Variants in TCF4 observed in about 807,000 individuals in gnomAD.
The protein encoded by TCF4 is transcription factor 4, also known as SL3-3 enhancer factor 2.
TCF4 carries 3 observed loss-of-function variants against 82.1 expected under a neutral mutation model. That is an observed-to-expected ratio of 0.04 (90% CI 0.02 to 0.09). TCF4 has a LOEUF of 0.09. TCF4 is among the 10% of genes least tolerant of loss of function. The pLI, the probability that TCF4 is intolerant of heterozygous loss-of-function variation, is 1.00. For missense variants in TCF4, 518 were observed against 852.7 expected (o/e 0.61, Z 4.89); for synonymous variants, 276 against 309.6 (o/e 0.89, Z 1.14).
At chr18:55,632,334 G>A (rs374222335) in intron 1 of TCF4, among the ~76,000 whole-genome samples, 4 of 152,120 alleles carry the variant, frequency 2.6e-5, no homozygotes, top group African/African-American at 4.8e-5. Context: ...CACCGCGCCC[G>A]GCCAACAGTT....
At chr18:55,319,674 C>T (rs2075014458) in intron 8 of TCF4, among the ~76,000 whole-genome samples, 2 of 151,026 alleles carry the variant, frequency 1.3e-5, no homozygotes, top group East Asian at 1.9e-4. Context: ...TGAGTACCAT[C>T]CTCTCAAAAA....
chr18:55,405,775 G>C (rs1420459577), intron 5 of TCF4, among the ~76,000 whole-genome samples: 1 of 152,142 alleles, frequency 6.6e-6, no homozygotes, highest in Non-Finnish European at 1.5e-5. Context: ...GCAGGAGGGA[G>C]AGGAGGAGGA....
intron 6 of TCF4, among the ~76,000 whole-genome samples, chr18:55,392,092 T>C (rs1253120851): frequency 1.4e-5 from 2 of 144,272 alleles, no homozygotes; most frequent in Non-Finnish European, 3.0e-5. Flanking sequence ...GCCTCCTGAG[T>C]AGCTGGGATT....
intron 6 of TCF4, among the ~76,000 whole-genome samples, chr18:55,357,540 A>T (rs117455054): frequency 0.01 from 1,557 of 152,340 alleles, 14 homozygotes; most frequent in Non-Finnish European, 0.018. Flanking sequence ...CTAGGGAATT[A>T]GCAACACTTT....
intron 8 of TCF4, among the ~76,000 whole-genome samples, chr18:55,312,351 A>G (rs967693561): frequency 5.3e-5 from 8 of 152,198 alleles, no homozygotes; most frequent in African/African-American, 1.9e-4. Flanking sequence ...AAAATGTATT[A>G]AAGATTCCAA....
chr18:55,294,998 A>G (rs1179470833), intron 8 of TCF4, among the ~76,000 whole-genome samples: 3 of 152,184 alleles, frequency 2.0e-5, no homozygotes, highest in Non-Finnish European at 4.4e-5. Context: ...AGTTAAGACT[A>G]TGCATCATCT....
At chr18:55,311,561 A>G (rs868454502) in intron 8 of TCF4, among the ~76,000 whole-genome samples, 1 of 152,208 alleles carries the variant, frequency 6.6e-6, no homozygotes, top group Middle Eastern at 3.2e-3. Context: ...ATCTTCATAT[A>G]AACAATGTCC....
At chr18:55,587,971 G>A in intron 1 of TCF4, 67 bp downstream of exon 1, 2 of 956,056 alleles carry the variant, frequency 2.1e-6, no homozygotes, top group South Asian at 4.8e-5. Context: ...GTGCGGGGCC[G>A]CCGAGCCCGA....
intron 2 of TCF4, among the ~76,000 whole-genome samples, chr18:55,625,786 A>T (rs1432330716): frequency 6.6e-6 from 1 of 152,152 alleles, no homozygotes; most frequent in Admixed American, 6.5e-5. Context: ...TATGATTTTT[A>T]AAAAATAGAA....
rs78958776 is a variant in TCF4 at position 55,375,401 on chromosome 18, A to C, written c.370-24398T>G. 3.3e-3 allele frequency among the ~76,000 whole-genome samples: 501 copies of C among 152,230 alleles called. 4 individuals carry two copies. The highest frequency in any genetic ancestry group is 0.011 in the African/African-American group (466 of 41,564). On this transcript the variant is annotated intron_variant, in intron 6 of 19. Coordinates refer to ENST00000354452, the MANE Select transcript of TCF4 (RefSeq NM_001083962.2). ...TTTAAGAAGTGGTGGATCATAAGAA[A>C]GTTTTCTTAATCTACTAGATGCCTA...
chr18:55,386,080 C>A (rs1469181496), intron 6 of TCF4, among the ~76,000 whole-genome samples: 1 of 152,154 alleles, frequency 6.6e-6, no homozygotes. Context: ...AACATCAACA[C>A]CTACACCACA....
intron 3 of TCF4, among the ~76,000 whole-genome samples, chr18:55,473,168 C>G (rs2096223220): frequency 6.6e-6 from 1 of 152,084 alleles, no homozygotes; most frequent in South Asian, 2.1e-4. Flanking sequence ...CAACATGAAA[C>G]ATGGAACTGT....
At chr18:55,526,413 T>A (rs901540116) in intron 3 of TCF4, among the ~76,000 whole-genome samples, 1 of 152,174 alleles carries the variant, frequency 6.6e-6, no homozygotes, top group Non-Finnish European at 1.5e-5. Flanking sequence ...ATAACAGTTC[T>A]TACATTATTG....
chr18:55,521,045 G>C (rs1450524593), intron 3 of TCF4, among the ~76,000 whole-genome samples: 1 of 152,026 alleles, frequency 6.6e-6, no homozygotes. Context: ...AGGCTGAGGG[G>C]GGTCAGAAAA....
intron 3 of TCF4, among the ~76,000 whole-genome samples, chr18:55,484,705 G>A (rs953483732): frequency 6.6e-6 from 1 of 152,146 alleles, no homozygotes; most frequent in African/African-American, 2.4e-5. Context: ...ATGTGTTGTG[G>A]TAGAGAAAAT....
At chr18:55,249,421 C>T (rs2054317668) in intron 15 of TCF4, among the ~76,000 whole-genome samples, 1 of 152,184 alleles carries the variant, frequency 6.6e-6, no homozygotes, top group Non-Finnish European at 1.5e-5. Flanking sequence ...CCCCCACCTG[C>T]AGGACTCTGA....
rs2093949278 is a variant in TCF4, at chr18:55,403,686, A to G, written c.305-168T>C. 1.3e-6 allele frequency: 2 copies of G among 1,553,852 alleles called. No individual in the cohort carries two copies. The highest frequency in any genetic ancestry group is 1.9e-5 in the Admixed American group (1 of 51,426). ...GGAATAACACTTCCTCACTCTGGCT[A>G]TGATAAACTGGAAAAAAATATCCTT... On this transcript the variant is annotated intron_variant, in intron 5 of 19. Transcript: ENST00000354452.
intron 3 of TCF4, among the ~76,000 whole-genome samples, chr18:55,577,665 T>C (rs2097542372): frequency 6.6e-6 from 1 of 152,102 alleles, no homozygotes; most frequent in Non-Finnish European, 1.5e-5. Flanking sequence ...AGTCTTCACA[T>C]GGGAAATTTG....
intron 2 of TCF4, among the ~76,000 whole-genome samples, chr18:55,597,139 T>C (rs2097691795): frequency 1.3e-5 from 2 of 152,142 alleles, no homozygotes; most frequent in Non-Finnish European, 2.9e-5. Flanking sequence ...TCCCCAGCCA[T>C]GCATCCTGTA....
Sources: allele counts gnomAD v4.1 joint callset (sites outside exome capture counted in the v4.1 genomes callset), GRCh38; gene constraint gnomAD v4.1.1; transcripts MANE v1.5; gene names NCBI Gene and HGNC (gene_info 2026-07-23, HGNC 2026-07-21).